TBX5: variants seen among roughly 807,000 people sequenced by gnomAD.
TBX5 encodes T-box transcription factor TBX5.
A neutral mutation model predicts 51.1 loss-of-function variants in TBX5; 8 were observed. The ratio of observed to expected loss-of-function variants is 0.16; its 90% CI spans 0.09 to 0.28. The LOEUF is 0.28. Among genes scored for constraint, TBX5 ranks in the 10% least tolerant of loss-of-function variants. The pLI is 1.00. For missense variants in TBX5, 589 were observed against 671.7 expected, an observed-to-expected ratio of 0.88 and a Z score of 1.36; for synonymous variants, 302 against 266.4, an observed-to-expected ratio of 1.13 and a Z score of -1.30.
chr12:114,370,545 G>A (rs539916189), intron 7 of TBX5, among the ~76,000 whole-genome samples: 4 of 152,056 alleles, frequency 2.6e-5, no homozygotes, highest in East Asian at 1.9e-4. Flanking sequence ...GGTCAGTTTC[G>A]GGTGATGCCT....
At chr12:114,392,457 G>C (rs777770894) in intron 6 of TBX5, among the ~76,000 whole-genome samples, 5 of 152,066 alleles carry the variant, frequency 3.3e-5, no homozygotes, top group Non-Finnish European at 5.9e-5. Context: ...GAGAGGGAGT[G>C]AGTTTTCCCA....
At chr12:114,372,301 T>C (rs971101885) in intron 7 of TBX5, among the ~76,000 whole-genome samples, 52 of 152,078 alleles carry the variant, frequency 3.4e-4, no homozygotes, top group African/African-American at 1.1e-3. Flanking sequence ...TTTCCCATTG[T>C]CGGTTTTTTT....
At chr12:114,366,884 G>A (rs906381123) in intron 7 of TBX5, among the ~76,000 whole-genome samples, 1 of 152,116 alleles carries the variant, frequency 6.6e-6, no homozygotes, top group Non-Finnish European at 1.5e-5. Flanking sequence ...ATAATCCTAA[G>A]TTACTCTCAT....
chr12:114,362,356 G>T (rs1176370464), intron 8 of TBX5, among the ~76,000 whole-genome samples: 1 of 152,142 alleles, frequency 6.6e-6, no homozygotes, highest in Non-Finnish European at 1.5e-5. Flanking sequence ...ATACAGGCTG[G>T]CATCTCACTG....
intron 7 of TBX5, among the ~76,000 whole-genome samples, chr12:114,384,891 A>T (rs954476145): frequency 6.6e-6 from 1 of 152,204 alleles, no homozygotes; most frequent in African/African-American, 2.4e-5. Context: ...CTTTCAAATC[A>T]GACCAAATTC....
intron 7 of TBX5, among the ~76,000 whole-genome samples, chr12:114,367,171 G>A (rs769621384): frequency 9.3e-4 from 140 of 150,410 alleles, no homozygotes; most frequent in Non-Finnish European, 1.5e-3. Context: ...AGGGAAAAAA[G>A]AGAGGGAAAG....
In TBX5 at chr12:114,399,646, AC is replaced by A. The variant is rs1282608394; in HGVS notation, c.243-15del. 1 of 1,613,928 alleles carries A rather than the reference AC, an allele frequency of 6.2e-7. No individual in the cohort carries two copies. The highest frequency in any genetic ancestry group is 2.2e-5 in the East Asian group (1 of 44,890). On this transcript the variant is annotated splice_polypyrimidine_tract_variant and intron_variant, in intron 3 of 8. Coordinates refer to ENST00000405440, the MANE Select transcript of TBX5 (RefSeq NM_181486.4). Reference sequence around the variant, plus strand: ...GGAAACATCCGCCTAAGAGAGAGGGACGGAGGGAGAGAGGGGGGCGGGAATT... The same window carrying A: ...GGAAACATCCGCCTAAGAGAGAGGGAGGAGGGAGAGAGGGGGGCGGGAATT...
At chr12:114,371,843 C>T (rs905335710) in intron 7 of TBX5, among the ~76,000 whole-genome samples, 4 of 152,026 alleles carry the variant, frequency 2.6e-5, no homozygotes, top group Admixed American at 2.0e-4. Flanking sequence ...CTAACATGCA[C>T]GGACACGGCA....
At chr12:114,406,323 C>T (rs1872220983), upstream of TBX5, among the ~76,000 whole-genome samples, 1 of 151,556 alleles carries the variant, frequency 6.6e-6, no homozygotes, top group African/African-American at 2.4e-5. Context: ...CTACCCCTTT[C>T]CCAACCTCCA....
intron 3 of TBX5, among the ~76,000 whole-genome samples, chr12:114,400,878 G>T (rs1416437706): frequency 2.0e-5 from 3 of 152,184 alleles, no homozygotes; most frequent in African/African-American, 7.2e-5. Context: ...TATTGAGGGA[G>T]GCTTCGGCTG....
At chr12:114,365,790 A>G (rs1869488619) in intron 8 of TBX5, among the ~76,000 whole-genome samples, 1 of 147,674 alleles carries the variant, frequency 6.8e-6, no homozygotes, top group South Asian at 2.2e-4. Context: ...TGACTACACC[A>G]CTGCACTCCA....
At chr12:114,363,283 G>A (rs574912991) in intron 8 of TBX5, among the ~76,000 whole-genome samples, 1 of 152,302 alleles carries the variant, frequency 6.6e-6, no homozygotes, top group East Asian at 1.9e-4. Flanking sequence ...CCCAACTCCA[G>A]CTTCCCCAGT....
intron 7 of TBX5, among the ~76,000 whole-genome samples, chr12:114,373,695 G>T (rs1370107830): frequency 1.3e-5 from 2 of 152,174 alleles, no homozygotes; most frequent in Non-Finnish European, 2.9e-5. Context: ...CTGACCTTGT[G>T]ATCCGCCCAC....
At chr12:114,395,143 G>A (rs1259184685) in intron 5 of TBX5, among the ~76,000 whole-genome samples, 2 of 152,156 alleles carry the variant, frequency 1.3e-5, no homozygotes, top group Non-Finnish European at 2.9e-5. Flanking sequence ...CAGTAAATCA[G>A]AATTCTTAAT....
intron 5 of TBX5, among the ~76,000 whole-genome samples, chr12:114,395,115 T>A (rs1270754086): frequency 6.6e-6 from 1 of 152,180 alleles, no homozygotes; most frequent in African/African-American, 2.4e-5. Flanking sequence ...TCCAGGAATC[T>A]ACCCAAGGCA....
At position 114,354,588 on chromosome 12, in the gene TBX5, T is replaced by C. The variant is rs536633001; in HGVS notation, c.*944A>G. 1 of 152,408 alleles carries C rather than the reference T, an allele frequency of 6.6e-6. No individual in the cohort carries two copies. Among genetic ancestry groups the C allele is most frequent in the East Asian group, 1.9e-4 (1 of 5,196 alleles). The allele number at this position is 152,408 out of a possible 1,614,324, so 9.4% of individuals were successfully genotyped here. ...CTGGCCTTGTTTTTTTCAAAAAAAA[T>C]TTTTTTAATCAGGAAGAATATTTAT... is the stretch of plus-strand genomic sequence containing the variant. On this transcript the variant is annotated 3_prime_UTR_variant, in exon 9 of 9. Coordinates refer to ENST00000405440, the MANE Select transcript of TBX5 (RefSeq NM_181486.4).
chr12:114,400,698 C>T (rs1593882512), intron 3 of TBX5, among the ~76,000 whole-genome samples: 1 of 152,268 alleles, frequency 6.6e-6, no homozygotes, highest in East Asian at 1.9e-4. Flanking sequence ...GGCTCAGGCT[C>T]GGGGGGAAAG....
chr12:114,373,504 G>A (rs1870030384), intron 7 of TBX5, among the ~76,000 whole-genome samples: 1 of 152,210 alleles, frequency 6.6e-6, no homozygotes, highest in Non-Finnish European at 1.5e-5. Flanking sequence ...TGTCGCCCAG[G>A]CTGGAGTGCA....
chr12:114,360,127 G>A (rs1176767176), intron 8 of TBX5, among the ~76,000 whole-genome samples: 2 of 152,250 alleles, frequency 1.3e-5, no homozygotes, highest in Middle Eastern at 3.4e-3. Context: ...AACCATTGGC[G>A]AGTCTTCCCA....
Sources: allele counts gnomAD v4.1 joint callset (sites outside exome capture counted in the v4.1 genomes callset), GRCh38; gene constraint gnomAD v4.1.1; transcripts MANE v1.5; gene names NCBI Gene and HGNC (gene_info 2026-07-23, HGNC 2026-07-21).